The following EXOC4 variants were observed in gnomAD, a reference collection of about 807,000 sequenced individuals.
EXOC4 encodes exocyst complex component 4.
A neutral mutation model predicts 107.2 loss-of-function variants in EXOC4; 71 were observed. The ratio of observed to expected loss-of-function variants is 0.66; its 90% CI spans 0.55 to 0.81. The LOEUF (loss-of-function observed/expected upper bound fraction) is 0.81. Ranked by LOEUF, EXOC4 falls within the 30% of genes least tolerant of loss-of-function variation. EXOC4 has a pLI of 0.00. For synonymous variants in EXOC4, 456 were observed against 441.2 expected (o/e 1.03, Z -0.42); for missense variants, 1,108 against 1,189.6 (o/e 0.93, Z 1.01).
chr7:133,763,675 G>T (rs1196932056), intron 10 of EXOC4, among the ~76,000 whole-genome samples: 1 of 135,864 alleles, frequency 7.4e-6, no homozygotes, highest in African/African-American at 2.8e-5. Context: ...CAAAAAAGAA[G>T]AGTTATTTGA....
chr7:133,904,574 G>A (rs958628310), intron 12 of EXOC4, among the ~76,000 whole-genome samples: 8 of 152,124 alleles, frequency 5.3e-5, no homozygotes, highest in Admixed American at 3.3e-4. Context: ...CTCTGAAATG[G>A]TGTCCACCTG....
Position 134,007,751 on chromosome 7 carries a change from A to T in EXOC4, c.2603A>T (p.Lys868Met). ...AGGCGCATCAGTGAGTCTGGCATCA[A>T]GAAAATGTGTAGGAACATTTTTGTT... Reference protein sequence around the residue: ...YFRRISESGIKKMCRNIFVLQ... With the variant: ...YFRRISESGIMKMCRNIFVLQ... Residue 868 changes from lysine (K) to methionine (M), a missense_variant, in exon 17 of 18, where the codon AAG (lysine) becomes ATG (methionine). Lys to Met is a moderately conservative substitution (Grantham distance 95). Coordinates refer to ENST00000253861, the MANE Select transcript of EXOC4 (RefSeq NM_021807.4). 6.2e-7 allele frequency: 1 copy of T among 1,613,636 alleles called. No individual in the cohort carries two copies. Among genetic ancestry groups the T allele is most frequent in the South Asian group, 1.1e-5 (1 of 91,038 alleles).
At chr7:133,350,440 T>TA (rs1795883163) in intron 5 of EXOC4, among the ~76,000 whole-genome samples, 1 of 152,140 alleles carries the variant, frequency 6.6e-6, no homozygotes, top group Non-Finnish European at 1.5e-5. Flanking sequence ...CTTTCCCCAT[T>TA]GAATGGTCTT....
intron 11 of EXOC4, among the ~76,000 whole-genome samples, chr7:133,849,386 C>T (rs1798196858): frequency 6.6e-6 from 1 of 152,088 alleles, no homozygotes; most frequent in African/African-American, 2.4e-5. Context: ...TGCCATTGTG[C>T]TCCAGCCTGG....
At chr7:133,549,903 A>T (rs951195914) in intron 9 of EXOC4, among the ~76,000 whole-genome samples, 6 of 152,168 alleles carry the variant, frequency 3.9e-5, no homozygotes, top group Non-Finnish European at 7.4e-5. Flanking sequence ...CACACTGTTT[A>T]TTGAAATTCA....
In EXOC4 at chr7:133,845,335, A is replaced by AGTGTGTGTGTGT. The variant is rs34845137; in HGVS notation, c.1734+27814_1734+27825dup. On this transcript the variant is annotated intron_variant, in intron 11 of 17. Coordinates refer to ENST00000253861, the MANE Select transcript of EXOC4 (RefSeq NM_021807.4). ...CAACTAGCATGATAGGCAGGTTAGT[A>AGTGTGTGTGTGT]GTGTGTGTGTGTGTGTGTGTGTGTG... Among the ~76,000 whole-genome samples the AGTGTGTGTGTGT allele has an allele frequency of 3.9e-3, 540 of 138,024 alleles. 4 individuals are homozygous for AGTGTGTGTGTGT. Among genetic ancestry groups the AGTGTGTGTGTGT allele is most frequent in the African/African-American group, 0.014 (514 of 36,500 alleles). 90.5% of individuals were successfully genotyped at this position (138,024 alleles called of 152,430 possible).
At chr7:134,045,118 T>G in intron 17 of EXOC4, among the ~76,000 whole-genome samples, 2 of 152,340 alleles carry the variant, frequency 1.3e-5, no homozygotes, top group South Asian at 4.2e-4. Context: ...AAGTGTTAAA[T>G]GCTAATTGTT....
intron 14 of EXOC4, among the ~76,000 whole-genome samples, chr7:133,974,471 C>G (rs1199851389): frequency 1.3e-5 from 2 of 152,132 alleles, no homozygotes; most frequent in African/African-American, 2.4e-5. Context: ...TTAGGATATA[C>G]TGTTGATTCA....
intron 9 of EXOC4, among the ~76,000 whole-genome samples, chr7:133,580,412 G>A (rs891276717): frequency 1.3e-5 from 2 of 151,900 alleles, no homozygotes; most frequent in African/African-American, 4.8e-5. Flanking sequence ...TTTTTTGAGG[G>A]ATCTCCCTAC....
intron 14 of EXOC4, among the ~76,000 whole-genome samples, chr7:133,992,444 G>A (rs759360754): frequency 9.9e-5 from 15 of 151,808 alleles, no homozygotes; most frequent in South Asian, 2.1e-4. Flanking sequence ...CACCAAGCCC[G>A]GATAATTTTT....
At chr7:133,276,116 C>T (rs1033418782) in intron 2 of EXOC4, among the ~76,000 whole-genome samples, 3 of 151,970 alleles carry the variant, frequency 2.0e-5, no homozygotes, top group African/African-American at 4.8e-5. Context: ...CCTTCCCCCA[C>T]GTTCTTTCTC....
chr7:134,006,840 G>A (rs1415553924), intron 16 of EXOC4, among the ~76,000 whole-genome samples: 1 of 152,146 alleles, frequency 6.6e-6, no homozygotes, highest in African/African-American at 2.4e-5. Context: ...TGTGCCTCAC[G>A]TTGTTCTGAA....
rs1217919788 is a variant in EXOC4 at position 133,649,549 on chromosome 7, A to T, written c.1514+19408A>T. ...GCTCATTTGTGTTCCTGAAGAAGGG[A>T]TGGAATGGTGTACCCCATCAGAGTG... On this transcript the variant is annotated intron_variant, in intron 10 of 17. Transcript: ENST00000253861. Among the ~76,000 whole-genome samples the T allele has an allele frequency of 4.1e-5, 6 of 146,356 alleles. No individual in the cohort carries two copies. In the Admixed American group the frequency reaches 4.2e-4, roughly 10 times the overall value.
chr7:134,070,537 C>T (rs908255851), downstream of EXOC4, among the ~76,000 whole-genome samples: 5 of 152,082 alleles, frequency 3.3e-5, no homozygotes, highest in African/African-American at 7.2e-5. Context: ...TGAACTAAGA[C>T]GCAAACACCA....
intron 9 of EXOC4, among the ~76,000 whole-genome samples, chr7:133,538,661 A>G (rs1033481281): frequency 9.0e-4 from 137 of 152,062 alleles, no homozygotes; most frequent in African/African-American, 3.1e-3. Context: ...TACAAAAAAT[A>G]AAAATAAAAA....
intron 13 of EXOC4, among the ~76,000 whole-genome samples, chr7:133,920,774 C>T (rs946203142): frequency 2.0e-5 from 3 of 151,964 alleles, no homozygotes; most frequent in African/African-American, 4.9e-5. Context: ...TGTAGATCCA[C>T]GTTTCTGATC....
chr7:133,966,340 C>T (rs904000276), intron 14 of EXOC4, among the ~76,000 whole-genome samples: 4 of 152,160 alleles, frequency 2.6e-5, no homozygotes, highest in African/African-American at 9.7e-5. Flanking sequence ...CCTGATTGCC[C>T]TGGCCAGAAC....
chr7:133,277,772 G>A (rs1203942815), intron 2 of EXOC4, among the ~76,000 whole-genome samples: 5 of 152,170 alleles, frequency 3.3e-5, no homozygotes, highest in African/African-American at 1.2e-4. Flanking sequence ...AATAAAAGGG[G>A]GGAGAATGAA....
At chr7:133,881,467 C>G (rs1798965898) in intron 11 of EXOC4, among the ~76,000 whole-genome samples, 1 of 152,174 alleles carries the variant, frequency 6.6e-6, no homozygotes, top group Non-Finnish European at 1.5e-5. Context: ...TCACCTCTGT[C>G]TCTCTGCCTT....
Sources: gnomAD v4.1 joint callset for allele counts (sites outside exome capture counted in the v4.1 genomes callset) on GRCh38, gnomAD v4.1.1 for gene constraint, MANE v1.5 for transcripts, NCBI Gene and HGNC (gene_info 2026-07-23, HGNC 2026-07-21) for gene names.